Variants in TNFRSF21 observed in about 807,000 individuals in gnomAD.
The protein encoded by TNFRSF21 is TNF receptor superfamily member 21.
Under a neutral mutation model 45.6 loss-of-function variants are expected in TNFRSF21, and 19 were observed. The ratio of observed to expected loss-of-function variants is 0.42; its 90% confidence interval spans 0.29 to 0.61. TNFRSF21 has a LOEUF of 0.61. Among genes scored for constraint, TNFRSF21 ranks in the 20% least tolerant of loss-of-function variants. The pLI is 0.23. For missense variants in TNFRSF21, 737 were observed against 851.5 expected (o/e 0.87, Z 1.67); for synonymous variants, 314 against 335.5 (o/e 0.94, Z 0.70).
intron 1 of TNFRSF21, among the ~76,000 whole-genome samples, chr6:47,299,638 G>T (rs1762839484): frequency 6.6e-6 from 1 of 152,070 alleles, no homozygotes; most frequent in South Asian, 2.1e-4. Flanking sequence ...ATGACAGAGG[G>T]CTACATGAGT....
At position 47,301,611 on chromosome 6, in the gene TNFRSF21, GAT is replaced by G. The variant is rs1762865207; in HGVS notation, c.96+7803_96+7804del. ...AACGGCTTGGCATTGTCCCATTGGT[GAT>G]AACTGAGTTCTCTGTTAATTCCTAC... is the stretch of plus-strand genomic sequence containing the variant. On this transcript the variant is annotated intron_variant, in intron 1 of 5. Transcript: ENST00000296861. Among the ~76,000 whole-genome samples, 4 of 152,292 alleles carry G rather than the reference GAT, an allele frequency of 2.6e-5. No homozygotes were observed. In the South Asian group the frequency reaches 8.3e-4, roughly 32 times the overall value.
intron 1 of TNFRSF21, among the ~76,000 whole-genome samples, chr6:47,298,344 C>T (rs1762819487): frequency 6.7e-6 from 1 of 149,454 alleles, no homozygotes; most frequent in African/African-American, 2.5e-5. Flanking sequence ...ACTCAGGAGG[C>T]TGAGTGAGGT....
chr6:47,309,750 C>T lies in TNFRSF21; in HGVS notation c.-239G>A, dbSNP rs1762991628. 8 of 437,652 alleles carry T rather than the reference C, an allele frequency of 1.8e-5. No individual in the cohort carries two copies. In the South Asian group the frequency reaches 4.8e-4, roughly 26 times the overall value. 27.1% of individuals were successfully genotyped at this position (437,652 alleles called of 1,614,324 possible). On this transcript the variant is annotated 5_prime_UTR_variant, in exon 1 of 6. Coordinates refer to ENST00000296861, the MANE Select transcript of TNFRSF21 (RefSeq NM_014452.5). ...AGGCGGGGAGAAGCCGCCGCGACTG[C>T]AGCCCGCGTCTCCGGGTGCTCTCCT... is the stretch of plus-strand genomic sequence containing the variant.
intron 3 of TNFRSF21, among the ~76,000 whole-genome samples, chr6:47,271,206 T>C (rs1409244904): frequency 4.6e-5 from 7 of 152,030 alleles, no homozygotes; most frequent in African/African-American, 1.7e-4. Flanking sequence ...TCAAGACACA[T>C]AATTGTCAGA....
At chr6:47,271,142 A>T (rs1293097629) in intron 3 of TNFRSF21, among the ~76,000 whole-genome samples, 2 of 152,202 alleles carry the variant, frequency 1.3e-5, no homozygotes, top group Non-Finnish European at 2.9e-5. Context: ...GCAGGCCAAC[A>T]TTCAAATTCA....
rs192545825 is a variant in TNFRSF21 at position 47,242,792 on chromosome 6, A to C, written c.1510-7894T>G. Among the ~76,000 whole-genome samples the C allele has an allele frequency of 6.2e-4, 94 of 152,350 alleles. 1 individual carries two copies. ...GTGGGTTCTCTTGGTTCAGAGCTGGAGCCCACTCACGTTTGAAAATATTGC... is the reference window on the plus strand; with the variant it reads ...GTGGGTTCTCTTGGTTCAGAGCTGGCGCCCACTCACGTTTGAAAATATTGC... On this transcript the variant is annotated intron_variant, in intron 4 of 5. Transcript: ENST00000296861.
At chr6:47,242,628 G>A (rs149050809) in intron 4 of TNFRSF21, among the ~76,000 whole-genome samples, 1 of 152,304 alleles carries the variant, frequency 6.6e-6, no homozygotes, top group Non-Finnish European at 1.5e-5. Flanking sequence ...GAGGGAAAAG[G>A]GGGGGCAGCC....
At chr6:47,304,542 C>T (rs1357707977) in intron 1 of TNFRSF21, among the ~76,000 whole-genome samples, 1 of 152,138 alleles carries the variant, frequency 6.6e-6, no homozygotes, top group Non-Finnish European at 1.5e-5. Flanking sequence ...TGTTCTGACC[C>T]AATAATAGCA....
At chr6:47,272,429 A>C (rs917346648) in intron 3 of TNFRSF21, among the ~76,000 whole-genome samples, 2 of 152,142 alleles carry the variant, frequency 1.3e-5, no homozygotes, top group Non-Finnish European at 2.9e-5. Flanking sequence ...GGTAAATAAC[A>C]AAATGAAGGC....
rs764542617 is a variant in TNFRSF21 at position 47,286,382 on chromosome 6, C to G, written c.310G>C (p.Glu104Gln). The change falls in exon 2 of 6, where the codon GAG becomes CAG. Residue 104 changes from glutamate (E) to glutamine (Q), a missense_variant. Physicochemically the swap from Glu to Gln is conservative, Grantham distance 29. Transcript: ENST00000296861. ...GTFTRHENGIEKCHDCSQPCP... is the reference protein window; with the variant it reads ...GTFTRHENGIQKCHDCSQPCP... ...GGCTGACTACAGTCATGGCATTTCT[C>G]TATGCCATTCTCATGCCTGGTAAAG... 3 of 1,614,220 alleles carry G rather than the reference C, an allele frequency of 1.9e-6. No individual in the cohort carries two copies. The Admixed American group carries it at 5.0e-5, about 27-fold the overall frequency.
At chr6:47,256,295 A>G (rs1387040297) in intron 3 of TNFRSF21, among the ~76,000 whole-genome samples, 2 of 152,206 alleles carry the variant, frequency 1.3e-5, no homozygotes, top group African/African-American at 4.8e-5. Flanking sequence ...AGGTTGAGGC[A>G]GGTGGATCGC....
chr6:47,243,609 G>C (rs1764781072), intron 4 of TNFRSF21, among the ~76,000 whole-genome samples: 1 of 151,968 alleles, frequency 6.6e-6, no homozygotes, highest in South Asian at 2.1e-4. Context: ...GTAGAGATGG[G>C]GTTTCACCAT....
intron 1 of TNFRSF21, among the ~76,000 whole-genome samples, chr6:47,301,058 C>G (rs1445923392): frequency 6.6e-6 from 1 of 152,076 alleles, no homozygotes; most frequent in Admixed American, 6.5e-5. Flanking sequence ...AATTCTACAC[C>G]CACTAGGTTC....
At chr6:47,272,315 C>T (rs184147005) in intron 3 of TNFRSF21, among the ~76,000 whole-genome samples, 12 of 152,326 alleles carry the variant, frequency 7.9e-5, no homozygotes, top group Admixed American at 3.9e-4. Context: ...AACAAACTGT[C>T]TCTCAGACCA....
rs748020386 is a variant in TNFRSF21, at chr6:47,234,752, A to G, written c.1656T>C (p.Asp552=). Residue 552 remains aspartate (D), a synonymous_variant, in exon 5 of 6, where the codon GAT becomes GAC. Coordinates refer to ENST00000296861, the MANE Select transcript of TNFRSF21 (RefSeq NM_014452.5). The stretch of plus-strand genomic sequence containing the variant: ...CACAGCGGAGAAGGGGCTCCGACTC[A>G]TCCACGAAGAAGCCCTTGTTCTTGT... The part of the protein sequence containing the change: ...PQDKNKGFFV[D]ESEPLLRCDS... 4.3e-6 allele frequency: 7 copies of G among 1,609,948 alleles called. No individual in the cohort carries two copies. In the Admixed American group the frequency reaches 1.2e-4, roughly 27 times the overall value.
At chr6:47,266,614 A>G in intron 3 of TNFRSF21, among the ~76,000 whole-genome samples, 1 of 152,174 alleles carries the variant, frequency 6.6e-6, no homozygotes, top group Non-Finnish European at 1.5e-5. Context: ...CTGGGACATC[A>G]AAGTTATGCT....
At chr6:47,299,698 G>T (rs960302240) in intron 1 of TNFRSF21, among the ~76,000 whole-genome samples, 1 of 152,108 alleles carries the variant, frequency 6.6e-6, no homozygotes, top group African/African-American at 2.4e-5. Context: ...GATATCCCTA[G>T]GAGCTATTGA....
chr6:47,279,019 TCA>T (rs775496434), intron 3 of TNFRSF21, among the ~76,000 whole-genome samples: 7 of 152,186 alleles, frequency 4.6e-5, no homozygotes, highest in Non-Finnish European at 8.8e-5. Flanking sequence ...TCACTTTTCT[TCA>T]CAGTCTGAAG....
intron 3 of TNFRSF21, among the ~76,000 whole-genome samples, chr6:47,264,429 C>T (rs1398284721): frequency 6.6e-6 from 1 of 152,104 alleles, no homozygotes; most frequent in Non-Finnish European, 1.5e-5. Flanking sequence ...GCAAGAGAAT[C>T]GCTTGAACCT....
Sources: gnomAD v4.1 joint callset for allele counts (sites outside exome capture counted in the v4.1 genomes callset) on GRCh38, gnomAD v4.1.1 for gene constraint, MANE v1.5 for transcripts, NCBI Gene and HGNC (gene_info 2026-07-23, HGNC 2026-07-21) for gene names.